Variants in HSD17B12 observed in about 807,000 individuals in gnomAD.
HSD17B12 encodes the protein very-long-chain 3-oxoacyl-CoA reductase.
Under a neutral mutation model 39.3 loss-of-function variants are expected in HSD17B12, and 32 were observed. That is an observed-to-expected ratio of 0.81 (90% CI 0.61 to 1.09). The LOEUF (loss-of-function observed/expected upper bound fraction) is 1.09. HSD17B12 is among the 50% of genes least tolerant of loss of function. The pLI, the probability that HSD17B12 is intolerant of heterozygous loss-of-function variation, is 0.00. For synonymous variants in HSD17B12, 150 were observed against 146.7 expected, an observed-to-expected ratio of 1.02 and a Z score of -0.16; for missense variants, 342 against 382.9, an observed-to-expected ratio of 0.89 and a Z score of 0.89.
At chr11:43,665,769 G>T in the HSD17B12 span, among the ~76,000 whole-genome samples, 3 of 152,086 alleles carry the variant, frequency 2.0e-5, no homozygotes, top group East Asian at 5.8e-4. Flanking sequence ...GCACACACGC[G>T]CATGCACACA....
At chr11:43,616,455 A>G in the HSD17B12 span, among the ~76,000 whole-genome samples, 1 of 151,242 alleles carries the variant, frequency 6.6e-6, no homozygotes, top group Non-Finnish European at 1.5e-5. Flanking sequence ...TATATTCAGC[A>G]TAAGTCATTT....
At chr11:43,777,943 C>T (rs1323491184) in intron 3 of HSD17B12, among the ~76,000 whole-genome samples, 1 of 152,024 alleles carries the variant, frequency 6.6e-6, no homozygotes, top group African/African-American at 2.4e-5. Context: ...CAAGAGCAAA[C>T]ACATTCAAAA....
intron 4 of HSD17B12, among the ~76,000 whole-genome samples, chr11:43,799,598 C>T (rs1283346638): frequency 2.0e-5 from 3 of 150,086 alleles, no homozygotes; most frequent in African/African-American, 7.3e-5. Flanking sequence ...AAAAACTAAA[C>T]TTCCTCATTA....
chr11:43,757,833 G>A (rs1324834004), intron 3 of HSD17B12, among the ~76,000 whole-genome samples: 2 of 151,914 alleles, frequency 1.3e-5, no homozygotes, highest in Non-Finnish European at 2.9e-5. Flanking sequence ...TGAGTTTTGC[G>A]ATTCGCAAGG....
intron 3 of HSD17B12, among the ~76,000 whole-genome samples, chr11:43,769,936 A>G (rs1459676670): frequency 6.6e-6 from 1 of 152,224 alleles, no homozygotes; most frequent in Non-Finnish European, 1.5e-5. Context: ...CATTGCTCAG[A>G]AAATTCTCCA....
intron 1 of HSD17B12, among the ~76,000 whole-genome samples, chr11:43,710,121 A>G (rs1361029869): frequency 2.0e-5 from 3 of 152,240 alleles, no homozygotes; most frequent in African/African-American, 7.2e-5. Context: ...ATAGTGGGTG[A>G]TAGTTGAGAA....
At chr11:43,669,857 G>T in the HSD17B12 span, among the ~76,000 whole-genome samples, 35 of 152,160 alleles carry the variant, frequency 2.3e-4, no homozygotes, top group African/African-American at 8.2e-4. Flanking sequence ...AAGGTCACAG[G>T]TTGTGGGGTT....
chr11:43,736,274 G>A (rs1373297894), intron 1 of HSD17B12, among the ~76,000 whole-genome samples: 1 of 152,076 alleles, frequency 6.6e-6, no homozygotes, highest in Non-Finnish European at 1.5e-5. Context: ...AAGCAAATCT[G>A]CTTTTCACAG....
At chr11:43,649,482 G>A in the HSD17B12 span, among the ~76,000 whole-genome samples, 18 of 152,098 alleles carry the variant, frequency 1.2e-4, no homozygotes, top group South Asian at 8.3e-4. Context: ...ATTTTTATCC[G>A]TGCAAAAGAT....
chr11:43,837,346 T>C (rs1951381020), intron 7 of HSD17B12, among the ~76,000 whole-genome samples: 1 of 152,064 alleles, frequency 6.6e-6, no homozygotes, highest in Non-Finnish European at 1.5e-5. Flanking sequence ...AGGAACCTAG[T>C]ATGGGAGATA....
At chr11:43,619,183 A>C in the HSD17B12 span, among the ~76,000 whole-genome samples, 2 of 75,594 alleles carry the variant, frequency 2.6e-5, no homozygotes, top group Admixed American at 2.6e-4. Flanking sequence ...ATATATATAA[A>C]ATATATATAT....
chr11:43,725,745 A>G (rs1033029766), intron 1 of HSD17B12, among the ~76,000 whole-genome samples: 1 of 152,240 alleles, frequency 6.6e-6, no homozygotes, highest in East Asian at 1.9e-4. Context: ...TTACTATGTT[A>G]GAAGGTGGGC....
chr11:43,832,314 A>G (rs1951319240), intron 7 of HSD17B12, among the ~76,000 whole-genome samples: 1 of 152,224 alleles, frequency 6.6e-6, no homozygotes, highest in African/African-American at 2.4e-5. Context: ...TCAGAATAGT[A>G]AATCTATCCA....
intron 1 of HSD17B12, among the ~76,000 whole-genome samples, chr11:43,719,615 CAA>C (rs756654421): frequency 0.028 from 3,840 of 137,670 alleles, 131 homozygotes; most frequent in African/African-American, 0.083. Flanking sequence ...ACAAGGACTT[CAA>C]AAAAAAAAAA....
chr11:43,839,865 C>T (rs1233278238), intron 8 of HSD17B12, 134 bp from the exon 9 acceptor site: 1 of 741,258 alleles, frequency 1.3e-6, no homozygotes, highest in Non-Finnish European at 2.3e-6. Context: ...AAGTTCTCTT[C>T]TGCGTTTGAA....
At chr11:43,798,787 G>A (rs1460524916) in intron 4 of HSD17B12, among the ~76,000 whole-genome samples, 6 of 152,186 alleles carry the variant, frequency 3.9e-5, no homozygotes, top group African/African-American at 1.4e-4. Flanking sequence ...GCATCCTTCT[G>A]TATACTTTAA....
the HSD17B12 span, among the ~76,000 whole-genome samples, chr11:43,579,672 C>T: frequency 6.6e-6 from 1 of 151,940 alleles, no homozygotes; most frequent in East Asian, 2.0e-4. Flanking sequence ...TCTGGCGCGG[C>T]GGGCGCGCAG....
intron 1 of HSD17B12, among the ~76,000 whole-genome samples, chr11:43,698,299 G>A (rs1463363688): frequency 2.6e-5 from 4 of 152,134 alleles, no homozygotes; most frequent in African/African-American, 7.2e-5. Context: ...TGGATATCAG[G>A]CAGTCTTACT....
chr11:43,655,811 A>G, the HSD17B12 span, among the ~76,000 whole-genome samples: 1 of 152,118 alleles, frequency 6.6e-6, no homozygotes, highest in South Asian at 2.1e-4. Flanking sequence ...GCTTGCCAGT[A>G]TTTTATTGAG....
Sources: gnomAD v4.1 joint callset for allele counts (sites outside exome capture counted in the v4.1 genomes callset) on GRCh38, gnomAD v4.1.1 for gene constraint, MANE v1.5 for transcripts, NCBI Gene and HGNC (gene_info 2026-07-23, HGNC 2026-07-21) for gene names.